The following SLC44A5 variants were observed in gnomAD, a reference collection of about 807,000 sequenced individuals.
SLC44A5 encodes the protein solute carrier family 44 member 5.
In SLC44A5, 57 loss-of-function variants were observed where a neutral mutation model predicts 101.8. That is an observed-to-expected ratio of 0.56 (90% confidence interval 0.45 to 0.70). The LOEUF (loss-of-function observed/expected upper bound fraction) is 0.70. Ranked by LOEUF, SLC44A5 falls within the 30% of genes least tolerant of loss-of-function variation. The pLI, the probability that SLC44A5 is intolerant of heterozygous loss-of-function variation, is 0.00. For synonymous variants in SLC44A5, 281 were observed against 290.9 expected (o/e 0.97, Z 0.35); for missense variants, 737 against 853.1 (o/e 0.86, Z 1.70).
the SLC44A5 span, among the ~76,000 whole-genome samples, chr1:75,672,889 G>A: frequency 6.6e-6 from 1 of 152,002 alleles, no homozygotes; most frequent in Admixed American, 6.6e-5. Context: ...GAAGGACTCA[G>A]TCCTGGCAAG....
intron 2 of SLC44A5, among the ~76,000 whole-genome samples, chr1:75,402,186 T>C (rs1248836619): frequency 6.6e-6 from 1 of 152,170 alleles, no homozygotes; most frequent in African/African-American, 2.4e-5. Flanking sequence ...AAAAAACACA[T>C]TTTGGACAAA....
At chr1:75,306,692 C>G (rs1654923300) in intron 4 of SLC44A5, among the ~76,000 whole-genome samples, 2 of 148,540 alleles carry the variant, frequency 1.3e-5, no homozygotes, top group Admixed American at 1.3e-4. Flanking sequence ...GGACAGCTTT[C>G]TACTCTCATC....
rs187329474 is a variant in SLC44A5 at position 75,480,502 on chromosome 1, C to A, written c.13+60933G>T. On this transcript the variant is annotated intron_variant, in intron 2 of 23. Transcript: ENST00000370859. ...ATGACATGATTGCATATCTAGAAAA[C>A]CCCATTGTCTCAGCCCAAAATCTTC... Among the ~76,000 whole-genome samples, 455 of 152,290 alleles carry A rather than the reference C, an allele frequency of 3.0e-3. 1 individual carries two copies. Among genetic ancestry groups the A allele is most frequent in the Non-Finnish European group, 4.3e-3 (295 of 68,024 alleles).
chr1:75,537,583 A>T (rs930565440), intron 2 of SLC44A5, among the ~76,000 whole-genome samples: 1 of 152,234 alleles, frequency 6.6e-6, no homozygotes, highest in African/African-American at 2.4e-5. Context: ...GCCAAGGACA[A>T]CAGCAGGCTT....
chr1:75,523,659 C>A (rs1367030463), intron 2 of SLC44A5, among the ~76,000 whole-genome samples: 1 of 152,208 alleles, frequency 6.6e-6, no homozygotes, highest in Non-Finnish European at 1.5e-5. Context: ...CAACTTAAGA[C>A]AAATAAGCTA....
intron 3 of SLC44A5, among the ~76,000 whole-genome samples, chr1:75,343,199 AT>A (rs2101043023): frequency 6.6e-6 from 1 of 152,334 alleles, no homozygotes; most frequent in South Asian, 2.1e-4. Flanking sequence ...TTCTTAAGTC[AT>A]TTGACTTTCT....
rs1648150563 is a variant in SLC44A5, at chr1:75,237,075, A to G, written c.657-5T>C. 1 of 1,573,602 alleles carries G rather than the reference A, an allele frequency of 6.4e-7. No individual in the cohort carries two copies. The highest frequency in any genetic ancestry group is 8.7e-7 in the Non-Finnish European group (1 of 1,146,786). Reference sequence around the variant, plus strand: ...TCAAGAAGTTTATTGATACCACTGCATTGAAAGAAGGGAAAAAATCAATTA... The same window carrying G: ...TCAAGAAGTTTATTGATACCACTGCGTTGAAAGAAGGGAAAAAATCAATTA... On this transcript the variant is annotated splice_polypyrimidine_tract_variant and splice_region_variant and intron_variant, in intron 10 of 23. Transcript: ENST00000370859.
intron 2 of SLC44A5, among the ~76,000 whole-genome samples, chr1:75,408,962 A>T (rs924565014): frequency 2.0e-5 from 3 of 152,204 alleles, no homozygotes; most frequent in African/African-American, 7.2e-5. Flanking sequence ...GTGCTATATG[A>T]AAATAAAATA....
At position 75,230,294 on chromosome 1, in the gene SLC44A5, C is replaced by T. The variant is rs180778494; in HGVS notation, c.854-2437G>A. On this transcript the variant is annotated intron_variant, in intron 12 of 23. Transcript: ENST00000370859. ...ACAGAGTCTCGCTCTGTCACCCAGG[C>T]TGGAGTGCAGTGGCACAATCTCAGC... Among the ~76,000 whole-genome samples, 1,101 of 151,956 alleles carry T rather than the reference C, an allele frequency of 7.2e-3. 17 individuals carry two copies. The highest frequency in any genetic ancestry group is 0.025 in the African/African-American group (1,039 of 41,446).
chr1:75,500,969 T>C (rs1668927780), intron 2 of SLC44A5, among the ~76,000 whole-genome samples: 3 of 152,174 alleles, frequency 2.0e-5, no homozygotes, highest in African/African-American at 7.2e-5. Context: ...CCCTAATTTG[T>C]AGGGTTGCCA....
intron 1 of SLC44A5, among the ~76,000 whole-genome samples, chr1:75,605,471 A>C (rs1675269745): frequency 6.6e-6 from 1 of 152,072 alleles, no homozygotes; most frequent in Admixed American, 6.6e-5. Flanking sequence ...CCCTCCTTTC[A>C]TATTAAAAAG....
intron 2 of SLC44A5, among the ~76,000 whole-genome samples, chr1:75,455,150 C>T (rs1243887013): frequency 6.6e-6 from 1 of 151,864 alleles, no homozygotes; most frequent in Non-Finnish European, 1.5e-5. Flanking sequence ...ACCAAAACAG[C>T]ATGGTACAAA....
the SLC44A5 span, among the ~76,000 whole-genome samples, chr1:75,659,482 AAGGAAGGAAGGCAGGCAGGCAGGCAGGC>A: frequency 2.6e-5 from 2 of 76,248 alleles, no homozygotes; most frequent in African/African-American, 1.2e-4. Flanking sequence ...GGAAGGAAGG[AAGGAAGGAAGGCAGGCAGGCAGGCAGGC>A]AGGCAGGCAG....
At chr1:75,430,537 G>C (rs756142161) in intron 2 of SLC44A5, among the ~76,000 whole-genome samples, 1 of 152,164 alleles carries the variant, frequency 6.6e-6, no homozygotes, top group Non-Finnish European at 1.5e-5. Context: ...ACTGTTAGTG[G>C]GAATGGTGAG....
intron 2 of SLC44A5, among the ~76,000 whole-genome samples, chr1:75,467,861 C>G (rs919946706): frequency 6.6e-6 from 1 of 151,824 alleles, no homozygotes; most frequent in African/African-American, 2.4e-5. Context: ...AAGTTCTGCA[C>G]AACAAAGAAA....
chr1:75,653,028 A>C, the SLC44A5 span, among the ~76,000 whole-genome samples: 1 of 152,190 alleles, frequency 6.6e-6, no homozygotes, highest in Non-Finnish European at 1.5e-5. Flanking sequence ...CCATTCTGTG[A>C]TTGAAACTTC....
At chr1:75,663,230 CT>C in the SLC44A5 span, among the ~76,000 whole-genome samples, 2 of 152,176 alleles carry the variant, frequency 1.3e-5, no homozygotes, top group South Asian at 4.1e-4. Flanking sequence ...AGAAGATGGG[CT>C]TTTGGAAGGT....
intron 11 of SLC44A5, among the ~76,000 whole-genome samples, chr1:75,235,172 A>G (rs1647962909): frequency 6.6e-6 from 1 of 152,074 alleles, no homozygotes; most frequent in South Asian, 2.1e-4. Context: ...TTAATGCTTA[A>G]ATATTCAATA....
chr1:75,626,236 A>G, the SLC44A5 span, among the ~76,000 whole-genome samples: 2 of 152,142 alleles, frequency 1.3e-5, no homozygotes, highest in African/African-American at 2.4e-5. Flanking sequence ...ATTCATCTAG[A>G]TGTGTGTTTT....
Sources: gnomAD v4.1 joint callset for allele counts (sites outside exome capture counted in the v4.1 genomes callset) on GRCh38, gnomAD v4.1.1 for gene constraint, MANE v1.5 for transcripts, NCBI Gene and HGNC (gene_info 2026-07-23, HGNC 2026-07-21) for gene names.